PIR: variants seen among roughly 807,000 people sequenced by gnomAD.
The protein encoded by PIR is pirin, also known as pirin (iron-binding nuclear protein).
Under a neutral mutation model 24.2 loss-of-function variants are expected in PIR, and 22 were observed. That is an observed-to-expected ratio of 0.91 (90% CI 0.65 to 1.30). The LOEUF is 1.30. Among genes scored for constraint, PIR ranks in the 50% most tolerant of loss-of-function variants. The pLI is 0.00. For synonymous variants in PIR, 80 were observed against 79.6 expected (o/e 1.00, Z -0.03); for missense variants, 220 against 220.3 (o/e 1.00, Z 0.01).
chrX:15,485,418 C>T (rs750565210), intron 2 of PIR, among the ~76,000 whole-genome samples: 46 of 111,564 alleles, frequency 4.1e-4, no homozygotes, highest in African/African-American at 1.5e-3. Flanking sequence ...GACCTAATAC[C>T]TCCCAGAGGC....
At chrX:15,392,038 G>A (rs34638467) in intron 8 of PIR, among the ~76,000 whole-genome samples, 5 of 110,322 alleles carry the variant, frequency 4.5e-5, no homozygotes, top group African/African-American at 9.9e-5. Context: ...CTGCCCTCTC[G>A]CGAGGAATCC....
intron 6 of PIR, among the ~76,000 whole-genome samples, chrX:15,414,217 T>C (rs1409887814): frequency 8.9e-6 from 1 of 112,206 alleles, no homozygotes; most frequent in Non-Finnish European, 1.9e-5. Flanking sequence ...TATCCTGTTC[T>C]TTAAAAAAAG....
In PIR at chrX:15,472,231, G is replaced by A. The variant is rs149512083; in HGVS notation, c.189+7498C>T. 3.9e-3 allele frequency among the ~76,000 whole-genome samples: 437 copies of A among 111,917 alleles called. 2 individuals carry two copies. Among genetic ancestry groups the A allele is most frequent in the African/African-American group, 0.014 (424 of 30,788 alleles). On this transcript the variant is annotated intron_variant, in intron 3 of 9. Coordinates refer to ENST00000380420, the MANE Select transcript of PIR (RefSeq NM_001018109.3). ...TCTTAAATAATTAACAAATACAACT[G>A]AACATTCTAAAGGTACAAAGAGAAA...
At chrX:15,428,055 G>C (rs1001799625) in intron 5 of PIR, among the ~76,000 whole-genome samples, 2 of 111,277 alleles carry the variant, frequency 1.8e-5, no homozygotes, top group Admixed American at 9.6e-5. Context: ...GAAGCTTTGG[G>C]GTTTAAAATG....
intron 5 of PIR, among the ~76,000 whole-genome samples, chrX:15,426,993 T>A (rs765421481): frequency 2.7e-5 from 3 of 111,515 alleles, no homozygotes; most frequent in African/African-American, 9.8e-5. Context: ...AATAATAGAA[T>A]GGATAAATGA....
At chrX:15,394,231 G>A (rs1924052132) in intron 8 of PIR, among the ~76,000 whole-genome samples, 2 of 112,052 alleles carry the variant, frequency 1.8e-5, no homozygotes. Flanking sequence ...CCAATGAAAA[G>A]ATCAAACAAG....
At chrX:15,393,690 T>A (rs1020885183) in intron 8 of PIR, among the ~76,000 whole-genome samples, 2 of 109,438 alleles carry the variant, frequency 1.8e-5, no homozygotes, top group Admixed American at 2.0e-4. Context: ...GTTTGCAAAC[T>A]CCTTATGAGA....
Position 15,479,742 on chromosome X carries a change from C to G in PIR, c.176G>C (p.Arg59Pro), listed in dbSNP as rs188288097. 37 of 1,140,738 alleles carry G rather than the reference C, an allele frequency of 3.2e-5. No individual in the cohort carries two copies. Among genetic ancestry groups the G allele is most frequent in the Non-Finnish European group, 4.4e-5 (37 of 839,836 alleles). The allele number at this position is 1,140,738 out of a possible 1,213,427, so 94.0% of individuals were successfully genotyped here. A position where few individuals can be genotyped will look rare whatever the true frequency, so the allele number is the denominator to read the frequency against. The change falls in exon 3 of 10, where the codon CGA (arginine) becomes CCA (proline). Residue 59 changes from arginine (R) to proline (P), a missense_variant. Physicochemically the swap from Arg to Pro is moderately radical, Grantham distance 103. Transcript: ENST00000380420. ...RPGGFPDHPH[R>P]GFETVSYLLE... The stretch of plus-strand genomic sequence containing the variant: ...TATTGTACTTACTGTTTCAAAACCT[C>G]GATGTGGATGATCAGGAAATCCTCC...
At chrX:15,475,650 G>C (rs975727372) in intron 3 of PIR, among the ~76,000 whole-genome samples, 1 of 111,605 alleles carries the variant, frequency 9.0e-6, no homozygotes, top group Non-Finnish European at 1.9e-5. Context: ...CTCCTTTTTC[G>C]AGCTAAACTT....
intron 7 of PIR, among the ~76,000 whole-genome samples, chrX:15,406,106 G>A (rs1349373865): frequency 8.9e-6 from 1 of 112,016 alleles, no homozygotes; most frequent in Non-Finnish European, 1.9e-5. Flanking sequence ...GTGCAGTGCT[G>A]GCATCCCTGC....
At chrX:15,404,912 C>T (rs1330470561) in intron 7 of PIR, among the ~76,000 whole-genome samples, 1 of 111,478 alleles carries the variant, frequency 9.0e-6, no homozygotes, top group Middle Eastern at 4.2e-3. Flanking sequence ...TAGACAGATG[C>T]AACTTTGCTC....
At position 15,491,334 on chromosome X, in the gene PIR, A is replaced by G. The variant is rs749845984; in HGVS notation, c.-52-25T>C. 31 of 639,193 alleles carry G rather than the reference A, an allele frequency of 4.8e-5. No homozygotes were observed. The Middle Eastern group carries it at 4.8e-3, about 99-fold the overall frequency. 52.7% of individuals were successfully genotyped at this position (639,193 alleles called of 1,213,427 possible). A position where few individuals can be genotyped will look rare whatever the true frequency, so the allele number is the denominator to read the frequency against. On this transcript the variant is annotated intron_variant, in intron 1 of 9. Transcript: ENST00000380420. Reference sequence around the variant, plus strand: ...GCTAAAGGAAGGACAACAAAAAAAAAAGAAGTCATAAAGGAGGGAACATCC... The same window carrying G: ...GCTAAAGGAAGGACAACAAAAAAAAGAGAAGTCATAAAGGAGGGAACATCC...
Position 15,447,560 on chromosome X carries a change from C to T in PIR, c.480+8288G>A, listed in dbSNP as rs777600993. On this transcript the variant is annotated intron_variant, in intron 5 of 9. Coordinates refer to ENST00000380420, the MANE Select transcript of PIR (RefSeq NM_001018109.3). Reference sequence around the variant, plus strand: ...GTCTTGATCTCCTGACCTCGTGATCCGGCCGCCTCGGCCTCCCAAAGTGCT... The same window carrying T: ...GTCTTGATCTCCTGACCTCGTGATCTGGCCGCCTCGGCCTCCCAAAGTGCT... Among the ~76,000 whole-genome samples the T allele has an allele frequency of 3.2e-4, 36 of 111,768 alleles. 1 individual carries two copies. Among genetic ancestry groups the T allele is most frequent in the East Asian group, 2.5e-3 (9 of 3,545 alleles).
intron 5 of PIR, among the ~76,000 whole-genome samples, chrX:15,427,319 C>T (rs1486594444): frequency 1.8e-5 from 2 of 111,065 alleles, no homozygotes; most frequent in East Asian, 5.6e-4. Context: ...GGTAAACATT[C>T]TTTGAGCTGT....
intron 8 of PIR, among the ~76,000 whole-genome samples, chrX:15,393,267 T>C (rs1924017955): frequency 8.9e-6 from 1 of 112,247 alleles, no homozygotes; most frequent in Admixed American, 9.5e-5. Context: ...ATTCCATAAG[T>C]ATTTTTGCCA....
intron 2 of PIR, among the ~76,000 whole-genome samples, chrX:15,483,599 C>A (rs749987902): frequency 8.9e-6 from 1 of 112,171 alleles, no homozygotes; most frequent in South Asian, 3.6e-4. Flanking sequence ...AATTTGTTTC[C>A]TTTCAGTCTT....
At chrX:15,394,645 CCAT>C (rs1263287514) in intron 8 of PIR, among the ~76,000 whole-genome samples, 4 of 111,629 alleles carry the variant, frequency 3.6e-5, no homozygotes, top group Non-Finnish European at 7.5e-5. Context: ...ATCAGGGAAA[CCAT>C]CATCTTAAGA....
At chrX:15,406,696 G>A (rs1324663550) in intron 7 of PIR, among the ~76,000 whole-genome samples, 1 of 111,414 alleles carries the variant, frequency 9.0e-6, no homozygotes, top group Non-Finnish European at 1.9e-5. Flanking sequence ...AGCCTTTTAC[G>A]GGAACCCATG....
intron 6 of PIR, among the ~76,000 whole-genome samples, chrX:15,415,516 A>C (rs1231818531): frequency 1.8e-5 from 2 of 112,146 alleles, no homozygotes; most frequent in African/African-American, 6.5e-5. Context: ...CAAAGGATAC[A>C]AAATTTCAGT....
Sources: allele counts gnomAD v4.1 joint callset (sites outside exome capture counted in the v4.1 genomes callset), GRCh38; gene constraint gnomAD v4.1.1; transcripts MANE v1.5; gene names NCBI Gene and HGNC (gene_info 2026-07-23, HGNC 2026-07-21).